The following AGMO variants were observed in gnomAD, a reference collection of about 807,000 sequenced individuals.
AGMO encodes the protein glyceryl-ether monooxygenase.
A neutral mutation model predicts 60.2 loss-of-function variants in AGMO; 75 were observed. That is an observed-to-expected ratio of 1.25 (90% confidence interval 1.03 to 1.51). AGMO has a LOEUF of 1.51. AGMO is among the 40% of genes most tolerant of loss of function. AGMO has a pLI of 0.00. For missense variants in AGMO, 763 were observed against 525.5 expected, an observed-to-expected ratio of 1.45 and a Z score of -4.42; for synonymous variants, 261 against 177.1, an observed-to-expected ratio of 1.47 and a Z score of -3.76.
chr7:15,333,555 AC>A (rs1469986942), intron 12 of AGMO, among the ~76,000 whole-genome samples: 2 of 150,824 alleles, frequency 1.3e-5, no homozygotes, highest in East Asian at 2.0e-4. Context: ...GCTAATGTAT[AC>A]CCTTTGGATT....
chr7:15,296,331 C>T (rs565433263), intron 12 of AGMO, among the ~76,000 whole-genome samples: 2 of 152,220 alleles, frequency 1.3e-5, no homozygotes, highest in African/African-American at 4.8e-5. Context: ...TTACAAGTTC[C>T]AGACTGGGAA....
chr7:15,442,688 C>A (rs1366199830), intron 3 of AGMO, among the ~76,000 whole-genome samples: 4 of 152,010 alleles, frequency 2.6e-5, no homozygotes, highest in Non-Finnish European at 5.9e-5. Flanking sequence ...ACCCCCGGGG[C>A]CTCTACCCAC....
At position 15,505,824 on chromosome 7, in the gene AGMO, T is replaced by A. The variant is rs181339293; in HGVS notation, c.409+38948A>T. On this transcript the variant is annotated intron_variant, in intron 3 of 12. Coordinates refer to ENST00000342526, the MANE Select transcript of AGMO (RefSeq NM_001004320.2). ...CTAAGAAATCCAAATAGACTCTGTA[T>A]TTCTGTTTTTAAGAAAAAAAGTAAA... 2.1e-4 allele frequency among the ~76,000 whole-genome samples: 32 copies of A among 152,196 alleles called. No homozygotes were observed. The East Asian group carries it at 5.6e-3, about 27-fold the overall frequency.
At chr7:15,209,565 G>C (rs114628261) in intron 12 of AGMO, among the ~76,000 whole-genome samples, 3,551 of 152,230 alleles carry the variant, frequency 0.023, 136 homozygotes, top group African/African-American at 0.078. Flanking sequence ...CCCAGCATAC[G>C]CTAATAGAAG....
chr7:15,442,947 C>A (rs1781599377), intron 3 of AGMO, among the ~76,000 whole-genome samples: 1 of 152,156 alleles, frequency 6.6e-6, no homozygotes, highest in Non-Finnish European at 1.5e-5. Flanking sequence ...CATCAACAAG[C>A]AGAATGATGT....
chr7:15,252,024 G>A (rs375187367), intron 12 of AGMO, among the ~76,000 whole-genome samples: 2 of 152,162 alleles, frequency 1.3e-5, no homozygotes, highest in African/African-American at 4.8e-5. Flanking sequence ...TAGCATAGGC[G>A]ATTGTGCTTC....
intron 10 of AGMO, among the ~76,000 whole-genome samples, chr7:15,376,665 A>C (rs535612333): frequency 8.5e-5 from 13 of 152,216 alleles, no homozygotes; most frequent in Non-Finnish European, 1.6e-4. Context: ...TAGTTAAAAG[A>C]AGCATTGCCT....
chr7:15,457,298 A>G (rs984542910), intron 3 of AGMO, among the ~76,000 whole-genome samples: 3 of 152,188 alleles, frequency 2.0e-5, no homozygotes, highest in Admixed American at 2.0e-4. Flanking sequence ...TTAGAAATAC[A>G]TGACATTCAT....
intron 12 of AGMO, among the ~76,000 whole-genome samples, chr7:15,319,452 G>A (rs1267964601): frequency 1.3e-5 from 2 of 152,084 alleles, no homozygotes; most frequent in Non-Finnish European, 2.9e-5. Context: ...TGTACCCTAG[G>A]ATAAGGATAT....
chr7:15,148,315 A>C, the AGMO span, among the ~76,000 whole-genome samples: 1 of 151,884 alleles, frequency 6.6e-6, no homozygotes, highest in East Asian at 1.9e-4. Flanking sequence ...CTAGGTTTAC[A>C]GTTATTTTCT....
At chr7:15,139,497 A>G in the AGMO span, among the ~76,000 whole-genome samples, 1 of 151,734 alleles carries the variant, frequency 6.6e-6, no homozygotes, top group Non-Finnish European at 1.5e-5. Context: ...TATTTGTCCT[A>G]CTTCTCTCCC....
chr7:15,250,106 G>C (rs911811926), intron 12 of AGMO, among the ~76,000 whole-genome samples: 3 of 152,104 alleles, frequency 2.0e-5, no homozygotes, highest in Non-Finnish European at 4.4e-5. Context: ...TAATTGTGCT[G>C]TTATCACATT....
At chr7:15,273,226 G>A (rs529306134) in intron 12 of AGMO, among the ~76,000 whole-genome samples, 12 of 152,282 alleles carry the variant, frequency 7.9e-5, no homozygotes, top group East Asian at 3.9e-4. Flanking sequence ...GAATGGTATC[G>A]CCTAGCTTTC....
chr7:15,217,715 G>A (rs1013838712), intron 12 of AGMO, among the ~76,000 whole-genome samples: 40 of 150,936 alleles, frequency 2.7e-4, no homozygotes, highest in African/African-American at 9.5e-4. Context: ...TTGGAGATAT[G>A]GAAGTTAAAA....
chr7:15,350,161 T>A (rs1306232537), intron 12 of AGMO, among the ~76,000 whole-genome samples: 1 of 152,170 alleles, frequency 6.6e-6, no homozygotes, highest in Non-Finnish European at 1.5e-5. Flanking sequence ...CATTTCATCA[T>A]AGTAATTTAA....
the AGMO span, among the ~76,000 whole-genome samples, chr7:15,149,575 T>C: frequency 6.6e-6 from 1 of 152,142 alleles, no homozygotes. Context: ...GGGAGTCTTT[T>C]CCCCTATTGC....
intron 12 of AGMO, among the ~76,000 whole-genome samples, chr7:15,341,229 T>C (rs1471795182): frequency 2.0e-5 from 3 of 152,178 alleles, no homozygotes; most frequent in Admixed American, 6.5e-5. Context: ...TTCTACTGCA[T>C]CATTAGGCTG....
intron 12 of AGMO, among the ~76,000 whole-genome samples, chr7:15,314,159 G>T (rs1193725193): frequency 6.6e-6 from 1 of 152,046 alleles, no homozygotes; most frequent in African/African-American, 2.4e-5. Flanking sequence ...GGACAAAAAG[G>T]TGATTTACAT....
chr7:15,141,992 G>A, the AGMO span, among the ~76,000 whole-genome samples: 2 of 152,118 alleles, frequency 1.3e-5, no homozygotes, highest in African/African-American at 4.8e-5. Flanking sequence ...GTCTTTGCCT[G>A]TAGGCTTAAC....
Sources: allele counts gnomAD v4.1 joint callset (sites outside exome capture counted in the v4.1 genomes callset), GRCh38; gene constraint gnomAD v4.1.1; transcripts MANE v1.5; gene names NCBI Gene and HGNC (gene_info 2026-07-23, HGNC 2026-07-21).